The following PRKCH variants were observed in gnomAD, a reference collection of about 807,000 sequenced individuals.
PRKCH encodes the protein protein kinase C eta type.
Under a neutral mutation model 82.5 loss-of-function variants are expected in PRKCH, and 28 were observed. The ratio of observed to expected loss-of-function variants is 0.34; its 90% CI spans 0.25 to 0.47. The LOEUF (loss-of-function observed/expected upper bound fraction) is 0.47, where lower values mean the gene tolerates loss of function less well. PRKCH is among the 20% of genes least tolerant of loss of function. PRKCH has a pLI of 1.00. For missense variants in PRKCH, 705 were observed against 881.8 expected (o/e 0.80, Z 2.54); for synonymous variants, 322 against 327.4 (o/e 0.98, Z 0.18).
chr14:61,500,894 C>G lies in PRKCH; in HGVS notation c.1433+15238C>G, dbSNP rs1011739107. On this transcript the variant is annotated intron_variant, in intron 10 of 13. Coordinates refer to ENST00000332981, the MANE Select transcript of PRKCH (RefSeq NM_006255.5). ...TATGGAACTCCTTCAAATGGTCCAT[C>G]TCAAAGTTGGAAATACCAGGATAAT... Among the ~76,000 whole-genome samples the G allele has an allele frequency of 5.9e-5, 9 of 152,108 alleles. 1 individual carries two copies. The highest frequency in any genetic ancestry group is 5.2e-4 in the Admixed American group (8 of 15,282).
At position 61,328,110 on chromosome 14, in the gene PRKCH, C is replaced by T. The variant is rs976969256; in HGVS notation, c.363+5646C>T. 1.1e-4 allele frequency among the ~76,000 whole-genome samples: 16 copies of T among 151,480 alleles called. 1 individual carries two copies. Among genetic ancestry groups the T allele is most frequent in the Admixed American group, 5.9e-4 (9 of 15,230 alleles). On this transcript the variant is annotated intron_variant, in intron 1 of 13. Coordinates refer to ENST00000332981, the MANE Select transcript of PRKCH (RefSeq NM_006255.5). ...CTAAAAATACAAAAAATTAGCCGGGCGCGGTGGCGGGCGCCTGTAGTCCCA... is the reference window on the plus strand; with the variant it reads ...CTAAAAATACAAAAAATTAGCCGGGTGCGGTGGCGGGCGCCTGTAGTCCCA...
At chr14:61,284,176 T>C (rs2045295149) in intron 1 of PRKCH, among the ~76,000 whole-genome samples, 1 of 152,336 alleles carries the variant, frequency 6.6e-6, no homozygotes, top group South Asian at 2.1e-4. Flanking sequence ...AAAAATGCCC[T>C]CTGCAGAATG....
chr14:61,410,251 C>T (rs1013114660), intron 2 of PRKCH, among the ~76,000 whole-genome samples: 1 of 151,986 alleles, frequency 6.6e-6, no homozygotes, highest in African/African-American at 2.4e-5. Context: ...TATGTTAAAT[C>T]CACTTTAAAT....
chr14:61,516,068 G>T (rs775960430), intron 10 of PRKCH, among the ~76,000 whole-genome samples: 1 of 152,150 alleles, frequency 6.6e-6, no homozygotes, highest in African/African-American at 2.4e-5. Flanking sequence ...GGCTAATCAG[G>T]CTCTAAAGTC....
intron 1 of PRKCH, among the ~76,000 whole-genome samples, chr14:61,336,421 A>G (rs2045858086): frequency 6.6e-6 from 1 of 152,192 alleles, no homozygotes; most frequent in South Asian, 2.1e-4. Flanking sequence ...ATATGGGAAA[A>G]TGAAGCTGGA....
chr14:61,524,846 A>G (rs1293223006), intron 10 of PRKCH, among the ~76,000 whole-genome samples: 1 of 152,226 alleles, frequency 6.6e-6, no homozygotes, highest in Non-Finnish European at 1.5e-5. Context: ...AAAGAGAAGA[A>G]TTTAAATTTT....
chr14:61,442,486 G>C (rs995023522), intron 2 of PRKCH: 3 of 152,288 alleles, frequency 2.0e-5, no homozygotes, highest in African/African-American at 7.2e-5. Flanking sequence ...GTCACAGACA[G>C]CCAGACTGGA....
At chr14:61,288,906 G>A (rs914289591) in intron 1 of PRKCH, among the ~76,000 whole-genome samples, 2 of 152,190 alleles carry the variant, frequency 1.3e-5, no homozygotes, top group African/African-American at 4.8e-5. Context: ...TGTCACAGAA[G>A]GAAGAATTGA....
intron 1 of PRKCH, among the ~76,000 whole-genome samples, chr14:61,308,170 C>A (rs1300119772): frequency 6.6e-6 from 1 of 152,140 alleles, no homozygotes; most frequent in East Asian, 1.9e-4. Context: ...AAATGTGTAA[C>A]AATTATTCTA....
chr14:61,412,045 C>G (rs564429060), intron 2 of PRKCH, among the ~76,000 whole-genome samples: 1 of 152,136 alleles, frequency 6.6e-6, no homozygotes, highest in South Asian at 2.1e-4. Flanking sequence ...CTGATAGGGC[C>G]GAACTATTTC....
chr14:61,242,554 G>A (rs912564846), intron 1 of PRKCH, among the ~76,000 whole-genome samples: 3 of 151,930 alleles, frequency 2.0e-5, no homozygotes, highest in Admixed American at 6.6e-5. Flanking sequence ...TCTGCCACCA[G>A]CCCAGCTAAG....
At chr14:61,433,230 C>T (rs954084409) in intron 2 of PRKCH, among the ~76,000 whole-genome samples, 5 of 152,096 alleles carry the variant, frequency 3.3e-5, no homozygotes, top group African/African-American at 1.2e-4. Flanking sequence ...AGAGCTTTCT[C>T]TCCACCATGC....
chr14:61,302,814 C>G (rs1357723544), intron 1 of PRKCH, among the ~76,000 whole-genome samples: 1 of 152,118 alleles, frequency 6.6e-6, no homozygotes, highest in Non-Finnish European at 1.5e-5. Flanking sequence ...ATCTTGGTAA[C>G]TAGTCCATGT....
At chr14:61,251,886 C>CTGGA (rs1373402032) in intron 1 of PRKCH, among the ~76,000 whole-genome samples, 1 of 151,906 alleles carries the variant, frequency 6.6e-6, no homozygotes, top group Non-Finnish European at 1.5e-5. Flanking sequence ...GTCGCCCAGG[C>CTGGA]TGGAGTACAG....
intron 1 of PRKCH, among the ~76,000 whole-genome samples, chr14:61,302,816 A>C (rs1029691510): frequency 1.3e-5 from 2 of 152,206 alleles, no homozygotes; most frequent in South Asian, 4.1e-4. Context: ...CTTGGTAACT[A>C]GTCCATGTGC....
chr14:61,539,352 C>T (rs1292824523), intron 12 of PRKCH, among the ~76,000 whole-genome samples: 1 of 152,158 alleles, frequency 6.6e-6, no homozygotes, highest in Non-Finnish European at 1.5e-5. Context: ...GAAAACACAG[C>T]CAGCAAACCC....
intron 1 of PRKCH, among the ~76,000 whole-genome samples, chr14:61,255,423 A>G (rs2044988654): frequency 6.6e-6 from 1 of 152,152 alleles, no homozygotes; most frequent in Non-Finnish European, 1.5e-5. Context: ...ATCCGCTTCA[A>G]TCTATTCTTT....
intron 1 of PRKCH, among the ~76,000 whole-genome samples, chr14:61,252,162 T>A (rs1235744664): frequency 6.6e-6 from 1 of 152,134 alleles, no homozygotes; most frequent in Non-Finnish European, 1.5e-5. Context: ...TAACATGTCT[T>A]TTTTGATCCA....
At chr14:61,525,641 C>T (rs923579756) in intron 10 of PRKCH, 2 of 152,234 alleles carry the variant, frequency 1.3e-5, no homozygotes, top group African/African-American at 4.8e-5. Flanking sequence ...AGACCTCTTA[C>T]CTGGGACATT....
Sources: gnomAD v4.1 joint callset for allele counts (sites outside exome capture counted in the v4.1 genomes callset) on GRCh38, gnomAD v4.1.1 for gene constraint, MANE v1.5 for transcripts, NCBI Gene and HGNC (gene_info 2026-07-23, HGNC 2026-07-21) for gene names.